Variants in PLCB4 observed in about 807,000 individuals in gnomAD.
The protein encoded by PLCB4 is phospholipase C beta 4, also known as 1-phosphatidylinositol 4,5-bisphosphate phosphodiesterase beta-4.
PLCB4 carries 77 observed loss-of-function variants against 178.8 expected under a neutral mutation model. The ratio of observed to expected loss-of-function variants is 0.43; its 90% CI spans 0.36 to 0.52. The LOEUF (loss-of-function observed/expected upper bound fraction) is 0.52. PLCB4 is among the 20% of genes least tolerant of loss of function. The pLI is 0.00. For synonymous variants in PLCB4, 496 were observed against 490.8 expected (o/e 1.01, Z -0.14); for missense variants, 1,024 against 1,453.4 (o/e 0.70, Z 4.80).
intron 2 of PLCB4, among the ~76,000 whole-genome samples, chr20:9,216,578 C>T (rs771827198): frequency 6.6e-6 from 1 of 152,090 alleles, no homozygotes; most frequent in Non-Finnish European, 1.5e-5. Flanking sequence ...TTGCTCACTG[C>T]AACCTCTGCC....
chr20:9,229,522 T>C (rs1207184539), intron 3 of PLCB4, among the ~76,000 whole-genome samples: 1 of 151,982 alleles, frequency 6.6e-6, no homozygotes, highest in East Asian at 1.9e-4. Flanking sequence ...CAGGGAGAAA[T>C]ACCAAACTGT....
chr20:9,160,425 A>G (rs1284923654), intron 2 of PLCB4, among the ~76,000 whole-genome samples: 1 of 152,186 alleles, frequency 6.6e-6, no homozygotes, highest in African/African-American at 2.4e-5. Flanking sequence ...CACTCAGTAG[A>G]TACGTGTTGA....
chr20:9,386,923 T>G (rs2037719558), intron 14 of PLCB4, among the ~76,000 whole-genome samples: 1 of 149,330 alleles, frequency 6.7e-6, no homozygotes, highest in Admixed American at 6.7e-5. Context: ...GACAGAGTCT[T>G]ACTTTGTTGC....
rs114037799 is a variant in PLCB4 at position 9,367,191 on chromosome 20, C to T, written c.503+1677C>T. On this transcript the variant is annotated intron_variant, in intron 9 of 39. Coordinates refer to ENST00000378473, the MANE Select transcript of PLCB4 (RefSeq NM_001377142.1). Reference sequence around the variant, plus strand: ...CTCAATCTTGTATATTAAACAATCACGACCTAAAGTATCCATGTGACCACT... The same window carrying T: ...CTCAATCTTGTATATTAAACAATCATGACCTAAAGTATCCATGTGACCACT... Among the ~76,000 whole-genome samples the T allele has an allele frequency of 1.3e-3, 196 of 152,308 alleles. 1 individual carries two copies. The highest frequency in any genetic ancestry group is 4.4e-3 in the African/African-American group (183 of 41,556).
chr20:9,218,021 T>C (rs867972238), intron 3 of PLCB4, among the ~76,000 whole-genome samples: 17 of 152,368 alleles, frequency 1.1e-4, no homozygotes, highest in African/African-American at 3.8e-4. Context: ...ATTTATAAAC[T>C]GTAACTTGCC....
chr20:9,285,951 G>A (rs1033829691), intron 3 of PLCB4, among the ~76,000 whole-genome samples: 3 of 152,018 alleles, frequency 2.0e-5, no homozygotes, highest in African/African-American at 4.8e-5. Context: ...GGAGCCTCCT[G>A]CAAAGTGACA....
At chr20:9,202,156 A>G (rs935939424) in intron 2 of PLCB4, among the ~76,000 whole-genome samples, 23 of 152,212 alleles carry the variant, frequency 1.5e-4, no homozygotes, top group Non-Finnish European at 2.9e-4. Flanking sequence ...TACATACTAT[A>G]TGATTCCATG....
chr20:9,121,188 C>A (rs1169280239), intron 2 of PLCB4, among the ~76,000 whole-genome samples: 7 of 152,180 alleles, frequency 4.6e-5, no homozygotes, highest in Non-Finnish European at 8.8e-5. Context: ...CACCACAGTA[C>A]CCAGAGAGCA....
At position 9,393,580 on chromosome 20, in the gene PLCB4, C is replaced by T. The variant is rs1368877717; in HGVS notation, c.1324-8C>T. On this transcript the variant is annotated splice_polypyrimidine_tract_variant and splice_region_variant and intron_variant, in intron 17 of 39. Coordinates refer to ENST00000378473, the MANE Select transcript of PLCB4 (RefSeq NM_001377142.1). ...TTCCTTAATTCAGCTCTTTCTGTTT[C>T]TCTCTAGCTTGAACCAGGCAGGGCT... 5 of 1,580,010 alleles carry T rather than the reference C, an allele frequency of 3.2e-6. No homozygotes were observed. Among genetic ancestry groups the T allele is most frequent in the Non-Finnish European group, 4.3e-6 (5 of 1,149,740 alleles).
chr20:9,384,317 A>G lies in PLCB4; in HGVS notation c.970A>G (p.Ile324Val). The G allele has an allele frequency of 6.2e-7, 1 of 1,614,130 alleles. No individual in the cohort carries two copies. The highest frequency in any genetic ancestry group is 8.5e-7 in the Non-Finnish European group (1 of 1,179,970). Residue 324 changes from isoleucine to valine, a missense_variant, in exon 14 of 40, where the codon ATC becomes GTC. Transcript: ENST00000378473. The part of the protein sequence containing the change: ...EMDHPLAHYF[I>V]SSSHNTYLTG... ...GGACCATCCTCTGGCTCACTACTTC[A>G]TCAGTTCTTCCCATAACACTTATCT...
At chr20:9,079,856 G>T (rs6039377) in intron 1 of PLCB4, among the ~76,000 whole-genome samples, 94,571 of 151,656 alleles carry the variant, frequency 0.62, 29,577 homozygotes, top group South Asian at 0.72. Context: ...CCCTTTGGAA[G>T]GGATTATGCT....
chr20:9,395,498 T>C, intron 18 of PLCB4, 25 bp from the exon 19 acceptor site: 1 of 1,536,186 alleles, frequency 6.5e-7, no homozygotes, highest in Non-Finnish European at 9.0e-7. Flanking sequence ...TCTGTCACCA[T>C]CTCTTTGCGT....
chr20:9,157,712 G>T (rs1460004966), intron 2 of PLCB4, among the ~76,000 whole-genome samples: 1 of 152,148 alleles, frequency 6.6e-6, no homozygotes, highest in East Asian at 1.9e-4. Flanking sequence ...ACAGACCAAA[G>T]AGTTGAGTTT....
chr20:9,357,036 A>C (rs1437612265), intron 7 of PLCB4, among the ~76,000 whole-genome samples: 2 of 152,064 alleles, frequency 1.3e-5, no homozygotes, highest in African/African-American at 4.8e-5. Context: ...AATCATCTGG[A>C]CCCAGGGAGG....
intron 7 of PLCB4, among the ~76,000 whole-genome samples, chr20:9,355,236 CA>C (rs2034692818): frequency 6.6e-6 from 1 of 152,118 alleles, no homozygotes; most frequent in African/African-American, 2.4e-5. Context: ...TCTCCTAATT[CA>C]AATGAAATGA....
chr20:9,258,909 A>G (rs1305382654), intron 3 of PLCB4, among the ~76,000 whole-genome samples: 2 of 152,120 alleles, frequency 1.3e-5, no homozygotes, highest in Non-Finnish European at 2.9e-5. Flanking sequence ...GATCATTCCT[A>G]AAAGAATTAA....
chr20:9,335,776 A>G (rs564808703), intron 4 of PLCB4, among the ~76,000 whole-genome samples: 1 of 152,316 alleles, frequency 6.6e-6, no homozygotes, highest in Admixed American at 6.5e-5. Flanking sequence ...TAAAGCAAAA[A>G]TTATACCATG....
chr20:9,168,573 A>G (rs182458605), intron 2 of PLCB4, among the ~76,000 whole-genome samples: 412 of 152,324 alleles, frequency 2.7e-3, no homozygotes, highest in Admixed American at 5.4e-3. Context: ...GAGATTCTGC[A>G]TTGCTAACAG....
At chr20:9,368,445 A>G (rs2035961766) in intron 9 of PLCB4, among the ~76,000 whole-genome samples, 1 of 152,136 alleles carries the variant, frequency 6.6e-6, no homozygotes, top group Non-Finnish European at 1.5e-5. Context: ...ACCAATGACT[A>G]GAAAATTGGG....
Sources: allele counts gnomAD v4.1 joint callset (sites outside exome capture counted in the v4.1 genomes callset), GRCh38; gene constraint gnomAD v4.1.1; transcripts MANE v1.5; gene names NCBI Gene and HGNC (gene_info 2026-07-23, HGNC 2026-07-21).